PSTPIP1: variants seen among roughly 807,000 people sequenced by gnomAD.
PSTPIP1 encodes the protein proline-serine-threonine phosphatase interacting protein 1.
A neutral mutation model predicts 69.6 loss-of-function variants in PSTPIP1; 66 were observed. The ratio of observed to expected loss-of-function variants is 0.95; its 90% CI spans 0.78 to 1.16. The LOEUF (loss-of-function observed/expected upper bound fraction) is 1.16, where lower values mean the gene tolerates loss of function less well. Ranked by LOEUF, PSTPIP1 falls within the 50% of genes most tolerant of loss-of-function variation. The pLI, the probability that PSTPIP1 is intolerant of heterozygous loss-of-function variation, is 0.00. For missense variants in PSTPIP1, 603 were observed against 557.4 expected, an observed-to-expected ratio of 1.08 and a Z score of -0.82; for synonymous variants, 266 against 222.7, an observed-to-expected ratio of 1.19 and a Z score of -1.73.
At chr15:77,015,134 G>C (rs2076023856) in intron 1 of PSTPIP1, among the ~76,000 whole-genome samples, 1 of 152,212 alleles carries the variant, frequency 6.6e-6, no homozygotes, top group African/African-American at 2.4e-5. Context: ...CTGAATTATA[G>C]CCCAAAATAC....
intron 1 of PSTPIP1, among the ~76,000 whole-genome samples, chr15:77,004,000 T>G (rs773446029): frequency 6.6e-6 from 1 of 152,250 alleles, no homozygotes; most frequent in Non-Finnish European, 1.5e-5. Flanking sequence ...CCATTGCATG[T>G]TATACTCCAC....
intron 7 of PSTPIP1, among the ~76,000 whole-genome samples, chr15:77,028,940 C>G (rs746483433): frequency 6.6e-6 from 1 of 152,196 alleles, no homozygotes; most frequent in Non-Finnish European, 1.5e-5. Context: ...CAGACGCCAA[C>G]CCTCACACAA....
In PSTPIP1 at chr15:77,032,963, G is replaced by A. The variant is rs753081335; in HGVS notation, c.929+11G>A. On this transcript the variant is annotated intron_variant, in intron 12 of 14. Transcript: ENST00000558012. ...CGGCATGATAAAGAGGTGAGGCCCCGACAGACGGAGGGAGGGCCTAAGGCT... is the reference window on the plus strand; with the variant it reads ...CGGCATGATAAAGAGGTGAGGCCCCAACAGACGGAGGGAGGGCCTAAGGCT... The A allele has an allele frequency of 8.2e-6, 13 of 1,588,272 alleles. No homozygotes were observed. Among genetic ancestry groups the A allele is most frequent in the South Asian group, 2.3e-5 (2 of 87,384 alleles).
intron 1 of PSTPIP1, chr15:77,007,829 C>T (rs180738579): frequency 1.3e-5 from 6 of 445,914 alleles, no homozygotes; most frequent in Non-Finnish European, 2.2e-5. Flanking sequence ...CTCCTGACCT[C>T]GTGATCTGCC....
At chr15:77,034,631 C>G (rs2076510096) in intron 12 of PSTPIP1, among the ~76,000 whole-genome samples, 2 of 152,180 alleles carry the variant, frequency 1.3e-5, no homozygotes, top group Non-Finnish European at 2.9e-5. Context: ...GCCTCCTCCC[C>G]TGCACCTGAG....
Position 77,031,264 on chromosome 15 carries a change from G to A in PSTPIP1, c.727G>A (p.Val243Ile). Residue 243 changes from valine to isoleucine, a missense_variant, in exon 10 of 15, where the codon GTC (valine) becomes ATC (isoleucine). Val to Ile is a conservative substitution (Grantham distance 29). Transcript: ENST00000558012. ...CAGCAACCAGCTCTCCATGCAGTGTGTCAAGGATGATGAGGTGGGGGCTGA... is the reference window on the plus strand; with the variant it reads ...CAGCAACCAGCTCTCCATGCAGTGTATCAAGGATGATGAGGTGGGGGCTGA... ...VHSNQLSMQC[V>I]KDDELYEEVR... is the part of the protein sequence containing the mutation. 6.2e-7 allele frequency: 1 copy of A among 1,612,908 alleles called. No homozygotes were observed. Among genetic ancestry groups the A allele is most frequent in the East Asian group, 2.2e-5 (1 of 44,876 alleles).
intron 1 of PSTPIP1, among the ~76,000 whole-genome samples, chr15:77,001,046 A>C (rs2075697617): frequency 6.6e-6 from 1 of 152,090 alleles, no homozygotes; most frequent in South Asian, 2.1e-4. Flanking sequence ...ATTTTCAGCA[A>C]CACCACTGTT....
At chr15:77,021,380 G>A (rs933084697) in intron 3 of PSTPIP1, among the ~76,000 whole-genome samples, 17 of 152,158 alleles carry the variant, frequency 1.1e-4, no homozygotes, top group African/African-American at 4.1e-4. Flanking sequence ...CCCCACCAGC[G>A]CTTTCAGTGC....
chr15:77,000,479 A>ATATATATATATATATATATATATATG (rs1568482008), intron 1 of PSTPIP1, among the ~76,000 whole-genome samples: 8 of 148,956 alleles, frequency 5.4e-5, no homozygotes, highest in African/African-American at 2.0e-4. Flanking sequence ...ATATATATAC[A>ATATATATATATATATATATATATATG]CACACACACA....
At chr15:77,036,931 C>A in intron 14 of PSTPIP1, 114 bp from the exon 15 acceptor site, 2 of 1,433,830 alleles carry the variant, frequency 1.4e-6, no homozygotes, top group Admixed American at 2.0e-5. Flanking sequence ...CTGCCCCTGC[C>A]CACCCTGGGA....
chr15:77,004,449 G>A (rs908882033), intron 1 of PSTPIP1, among the ~76,000 whole-genome samples: 23 of 152,192 alleles, frequency 1.5e-4, no homozygotes, highest in Admixed American at 4.6e-4. Flanking sequence ...AAACAGGAAC[G>A]GGAAACAGCC....
At chr15:77,021,276 A>G (rs1298053830) in intron 3 of PSTPIP1, among the ~76,000 whole-genome samples, 2 of 152,176 alleles carry the variant, frequency 1.3e-5, no homozygotes, top group African/African-American at 2.4e-5. Flanking sequence ...GATTTTTGAC[A>G]TGTACCTCCT....
intron 1 of PSTPIP1, among the ~76,000 whole-genome samples, chr15:77,000,279 C>G (rs1422685461): frequency 6.6e-6 from 1 of 152,110 alleles, no homozygotes; most frequent in Non-Finnish European, 1.5e-5. Flanking sequence ...TTTTCCCTTC[C>G]CAGTTCTGAG....
At chr15:77,004,883 A>AAACAAAC (rs2075785389) in intron 1 of PSTPIP1, among the ~76,000 whole-genome samples, 3 of 151,046 alleles carry the variant, frequency 2.0e-5, no homozygotes, top group African/African-American at 7.3e-5. Context: ...AACAAACAAA[A>AAACAAAC]AAAACAAAGA....
chr15:77,016,293 C>T (rs1055518992), intron 1 of PSTPIP1, among the ~76,000 whole-genome samples: 9 of 152,126 alleles, frequency 5.9e-5, no homozygotes, highest in Non-Finnish European at 1.2e-4. Flanking sequence ...GGTGTCCCTC[C>T]GGGCAGGTGC....
rs34240327 is a variant in PSTPIP1 at position 77,032,329 on chromosome 15, G to C, written c.773G>C (p.Gly258Ala). ...GAGGAAGTGCGGCTGACGCTGGAAG[G>C]CTGCAGCATAGACGCCGACATCGAC... is the stretch of plus-strand genomic sequence containing the variant. ...LYEEVRLTLE[G>A]CSIDADIDSF... Residue 258 changes from glycine (G) to alanine (A), a missense_variant, in exon 11 of 15, where the codon GGC (glycine) becomes GCC (alanine). Coordinates refer to ENST00000558012, the MANE Select transcript of PSTPIP1 (RefSeq NM_003978.5). 4.6e-3 allele frequency: 7,365 copies of C among 1,612,608 alleles called. 81 individuals carry two copies. Among genetic ancestry groups the C allele is most frequent in the African/African-American group, 0.037 (2,753 of 75,054 alleles).
At chr15:77,030,310 T>C (rs1157969140) in intron 8 of PSTPIP1, among the ~76,000 whole-genome samples, 192 bp from the exon 9 acceptor site, 1 of 152,136 alleles carries the variant, frequency 6.6e-6, no homozygotes, top group East Asian at 1.9e-4. Flanking sequence ...AGAGCACAGT[T>C]GGGGAGCAGC....
At chr15:77,030,701 C>T (rs2076393952) in intron 9 of PSTPIP1, 120 bp downstream of exon 9, 5 of 1,009,534 alleles carry the variant, frequency 5.0e-6, no homozygotes, top group Non-Finnish European at 5.6e-6. Context: ...GTTACTCACT[C>T]GTTTATTCAG....
intron 4 of PSTPIP1, 23 bp downstream of exon 4, chr15:77,025,341 A>T: frequency 6.2e-7 from 1 of 1,600,860 alleles, no homozygotes; most frequent in Non-Finnish European, 8.6e-7. Context: ...CCCTGGGGCA[A>T]TGGGATCTTT....
Sources: allele counts gnomAD v4.1 joint callset (sites outside exome capture counted in the v4.1 genomes callset), GRCh38; gene constraint gnomAD v4.1.1; transcripts MANE v1.5; gene names NCBI Gene and HGNC (gene_info 2026-07-23, HGNC 2026-07-21).